The following GNAO1 variants were observed in gnomAD, a reference collection of about 807,000 sequenced individuals.
The protein encoded by GNAO1 is G protein subunit alpha o1.
For synonymous variants in GNAO1, 164 were observed against 180.7 expected (o/e 0.91, Z 0.74); for missense variants, 166 against 478.7 (o/e 0.35, Z 6.10).
intron 5 of GNAO1, among the ~76,000 whole-genome samples, chr16:56,335,641 G>A (rs1046137342): frequency 5.0e-4 from 76 of 152,244 alleles, no homozygotes; most frequent in African/African-American, 1.2e-3. Flanking sequence ...CTAGGCCTCC[G>A]CAGATCTGGG....
chr16:56,290,408 G>C (rs1460864062), intron 3 of GNAO1, among the ~76,000 whole-genome samples: 2 of 152,192 alleles, frequency 1.3e-5, no homozygotes, highest in Non-Finnish European at 2.9e-5. Context: ...CTCTATTGAA[G>C]TCTGCAGCTA....
At chr16:56,344,605 T>G (rs1326384269) in intron 6 of GNAO1, 7 of 985,894 alleles carry the variant, frequency 7.1e-6, no homozygotes, top group Non-Finnish European at 8.4e-6. Flanking sequence ...GAAATGCTTC[T>G]TGAGACTGAT....
At chr16:56,264,338 G>A (rs1419064338) in intron 2 of GNAO1, among the ~76,000 whole-genome samples, 2 of 152,210 alleles carry the variant, frequency 1.3e-5, no homozygotes, top group African/African-American at 2.4e-5. Flanking sequence ...TTACGCTGCC[G>A]CTGCCGTGGA....
At chr16:56,235,383 A>G (rs1363085056) in intron 2 of GNAO1, 1 of 455,920 alleles carries the variant, frequency 2.2e-6, no homozygotes, top group African/African-American at 2.0e-5. Context: ...GACTACAAGG[A>G]GGTAGGTAGA....
rs1203275842 is a variant in GNAO1 at position 56,357,084 on chromosome 16, A to G, written c.*1010A>G. 3 of 152,368 alleles carry G rather than the reference A, an allele frequency of 2.0e-5. No homozygotes were observed. Among genetic ancestry groups the G allele is most frequent in the African/African-American group, 7.2e-5 (3 of 41,400 alleles). The allele number at this position is 152,368 out of a possible 1,614,324, so 9.4% of individuals were successfully genotyped here. On this transcript the variant is annotated 3_prime_UTR_variant, in exon 9 of 9. Coordinates refer to ENST00000262493, the MANE Select transcript of GNAO1 (RefSeq NM_020988.3). Reference sequence around the variant, plus strand: ...AAAAAAAACAAAAAAATTTAAAAAGATGGAATGTAGTGTTTACATTAAAGC... The same window carrying G: ...AAAAAAAACAAAAAAATTTAAAAAGGTGGAATGTAGTGTTTACATTAAAGC...
chr16:56,321,922 C>T (rs750679310), intron 3 of GNAO1, among the ~76,000 whole-genome samples: 7 of 152,172 alleles, frequency 4.6e-5, no homozygotes, highest in Non-Finnish European at 2.9e-5. Flanking sequence ...TAGCAGAATA[C>T]CATAAGCTGG....
In GNAO1 at chr16:56,249,638, A is replaced by G. The variant is rs77368275; in HGVS notation, c.162-26293A>G. Among the ~76,000 whole-genome samples, 11 of 152,312 alleles carry G rather than the reference A, an allele frequency of 7.2e-5. No individual in the cohort carries two copies. In the East Asian group the frequency reaches 2.1e-3, roughly 29 times the overall value. ...AAACCATACCGGAAATTATGAACAC[A>G]TATATCAAGAAGTCTGGAAATTAAG... On this transcript the variant is annotated intron_variant, in intron 2 of 8. Transcript: ENST00000262493.
intron 3 of GNAO1, among the ~76,000 whole-genome samples, chr16:56,306,276 C>G (rs1429386760): frequency 6.6e-6 from 1 of 152,214 alleles, no homozygotes; most frequent in African/African-American, 2.4e-5. Context: ...CCAGAACAAC[C>G]TGGAATCTTC....
At chr16:56,289,034 G>C (rs113403175) in intron 3 of GNAO1, among the ~76,000 whole-genome samples, 80 of 73,206 alleles carry the variant, frequency 1.1e-3, no homozygotes, top group African/African-American at 3.4e-3. Context: ...ATCCAAAAAA[G>C]GGGGGGGGAG....
At chr16:56,336,632 T>C (rs2037742579) in intron 5 of GNAO1, 99 bp from the exon 6 acceptor site, 1 of 1,111,802 alleles carries the variant, frequency 9.0e-7, no homozygotes, top group Non-Finnish European at 1.3e-6. Flanking sequence ...CTGAGCACCA[T>C]GGCCCCCATC....
chr16:56,260,732 GTTA>G (rs1415347168), intron 2 of GNAO1, among the ~76,000 whole-genome samples: 1 of 152,134 alleles, frequency 6.6e-6, no homozygotes, highest in Non-Finnish European at 1.5e-5. Flanking sequence ...CGCTATCATG[GTTA>G]TTAATGAGGA....
At chr16:56,264,914 A>G (rs1287493224) in intron 2 of GNAO1, among the ~76,000 whole-genome samples, 1 of 152,050 alleles carries the variant, frequency 6.6e-6, no homozygotes, top group Non-Finnish European at 1.5e-5. Context: ...CGCATACCAT[A>G]CAGCTTCACC....
intron 2 of GNAO1, chr16:56,245,464 C>G (rs1057355151): frequency 6.5e-6 from 1 of 154,802 alleles, no homozygotes; most frequent in Non-Finnish European, 1.5e-5. Context: ...ATTCATTAAC[C>G]CACAAACAGA....
chr16:56,322,457 C>T (rs1596864126), intron 3 of GNAO1, among the ~76,000 whole-genome samples: 1 of 152,180 alleles, frequency 6.6e-6, no homozygotes, highest in Non-Finnish European at 1.5e-5. Flanking sequence ...TCCCCCAGAC[C>T]CCTAAAAGCA....
intron 3 of GNAO1, among the ~76,000 whole-genome samples, chr16:56,288,537 A>G (rs1427458840): frequency 6.6e-5 from 10 of 152,232 alleles, no homozygotes; most frequent in African/African-American, 2.2e-4. Context: ...CCTGGCCTCT[A>G]AAAGGAGGCT....
rs564988921 is a variant in GNAO1 at position 56,283,661 on chromosome 16, G to A, written c.303+7589G>A. 3.0e-4 allele frequency among the ~76,000 whole-genome samples: 46 copies of A among 152,286 alleles called. No individual in the cohort carries two copies. In the South Asian group the frequency reaches 9.1e-3, roughly 30 times the overall value. Reference sequence around the variant, plus strand: ...CCTGTGTCTCCCTGAGTCCCCTGGGGCTTAGAGATACTTTAGTGGTAGTTG... The same window carrying A: ...CCTGTGTCTCCCTGAGTCCCCTGGGACTTAGAGATACTTTAGTGGTAGTTG... On this transcript the variant is annotated intron_variant, in intron 3 of 8. Transcript: ENST00000262493.
chr16:56,315,748 T>C (rs2037502542), intron 3 of GNAO1, among the ~76,000 whole-genome samples: 1 of 152,016 alleles, frequency 6.6e-6, no homozygotes, highest in African/African-American at 2.4e-5. Context: ...CTGTTGCTAA[T>C]GAAAGTGAGC....
chr16:56,256,706 C>CTG (rs2036851218), intron 2 of GNAO1, among the ~76,000 whole-genome samples: 2 of 118,758 alleles, frequency 1.7e-5, no homozygotes, highest in African/African-American at 6.7e-5. Flanking sequence ...CTCTCTCTCT[C>CTG]TCTCTCTCTC....
intron 2 of GNAO1, among the ~76,000 whole-genome samples, chr16:56,256,450 G>C (rs188294209): frequency 1.3e-5 from 2 of 152,170 alleles, no homozygotes; most frequent in Admixed American, 1.3e-4. Flanking sequence ...TTTGATCCTT[G>C]CTCCAAAGCT....
Sources: gnomAD v4.1 joint callset for allele counts (sites outside exome capture counted in the v4.1 genomes callset) on GRCh38, gnomAD v4.1.1 for gene constraint, MANE v1.5 for transcripts, NCBI Gene and HGNC (gene_info 2026-07-23, HGNC 2026-07-21) for gene names.